Variants in AFF3 observed in about 807,000 individuals in gnomAD.
The protein encoded by AFF3 is ALF transcription elongation factor 3, also known as AF4/FMR2 family member 3.
A neutral mutation model predicts 129.7 loss-of-function variants in AFF3; 32 were observed. That is an observed-to-expected ratio of 0.25 (90% CI 0.19 to 0.33). The LOEUF is 0.33. AFF3 is among the 10% of genes least tolerant of loss of function. The pLI, the probability that AFF3 is intolerant of heterozygous loss-of-function variation, is 1.00. For missense variants in AFF3, 1,373 were observed against 1,592.0 expected, an observed-to-expected ratio of 0.86 and a Z score of 2.34; for synonymous variants, 644 against 635.4, an observed-to-expected ratio of 1.01 and a Z score of -0.20.
intron 13 of AFF3, among the ~76,000 whole-genome samples, chr2:99,628,992 G>T (rs1682871650): frequency 6.6e-6 from 1 of 152,112 alleles, no homozygotes; most frequent in South Asian, 2.1e-4. Flanking sequence ...AAAGTGCTGG[G>T]ACTACAGGTG....
intron 4 of AFF3, among the ~76,000 whole-genome samples, chr2:100,051,160 G>A (rs1287799617): frequency 1.3e-5 from 2 of 152,106 alleles, no homozygotes; most frequent in Admixed American, 1.3e-4. Flanking sequence ...TTTAAATGTG[G>A]TTATCCTGCC....
intron 7 of AFF3, among the ~76,000 whole-genome samples, chr2:99,952,625 A>G (rs190605996): frequency 1.3e-3 from 191 of 152,304 alleles, no homozygotes; most frequent in African/African-American, 4.4e-3. Context: ...ATACATCAAA[A>G]TAGAAATAAC....
At chr2:100,076,827 A>G (rs1359084543) in intron 4 of AFF3, among the ~76,000 whole-genome samples, 2 of 152,202 alleles carry the variant, frequency 1.3e-5, no homozygotes, top group Non-Finnish European at 2.9e-5. Flanking sequence ...CCAGCTCTGT[A>G]ATGCTATCAA....
intron 7 of AFF3, among the ~76,000 whole-genome samples, chr2:99,920,831 C>T (rs558974279): frequency 4.6e-5 from 7 of 151,852 alleles, no homozygotes; most frequent in Non-Finnish European, 8.8e-5. Context: ...ATGAATTTAG[C>T]GATGTTTCAG....
chr2:99,659,316 G>A (rs1686026499), intron 12 of AFF3, among the ~76,000 whole-genome samples: 3 of 152,196 alleles, frequency 2.0e-5, no homozygotes, highest in Admixed American at 2.0e-4. Flanking sequence ...ACATGTGCCT[G>A]TCTAGCTACA....
rs533190712 is a variant in AFF3, at chr2:99,820,057, T to C, written c.921+17420A>G. The stretch of plus-strand genomic sequence containing the variant: ...ATTCAGTAACTAGGTTACACATGAA[T>C]ACACACTCAAGATCAATTTGTAAGG... On this transcript the variant is annotated intron_variant, in intron 8 of 24. Coordinates refer to ENST00000672756, the MANE Select transcript of AFF3 (RefSeq NM_001386135.1). Among the ~76,000 whole-genome samples the C allele has an allele frequency of 5.6e-4, 86 of 152,352 alleles. 1 individual carries two copies. The highest frequency in any genetic ancestry group is 2.0e-3 in the African/African-American group (84 of 41,580).
chr2:99,594,051 T>C lies in AFF3; in HGVS notation c.1610A>G (p.Asn537Ser), dbSNP rs757610502. 1 of 1,611,784 alleles carries C rather than the reference T, an allele frequency of 6.2e-7. No homozygotes were observed. Among genetic ancestry groups the C allele is most frequent in the Admixed American group, 1.7e-5 (1 of 59,920 alleles). Reference sequence around the variant, plus strand: ...CACGCCTTTACTCCCAGGGGCCTTGTTGGCTGTCCTTGGCCTTTGCTCCTC... The same window carrying C: ...CACGCCTTTACTCCCAGGGGCCTTGCTGGCTGTCCTTGGCCTTTGCTCCTC... ...CKEEQRPRTA[N>S]KAPGSKGVKQ... The change falls in exon 15 of 25, where the codon AAC becomes AGC. Residue 537 changes from asparagine (N) to serine (S), a missense_variant. Around this residue, in one of 9 missense-constraint regions of AFF3, gnomAD observed 413 missense variants for 424.4 expected, o/e 0.97. Transcript: ENST00000672756.
chr2:99,880,722 T>C (rs945587914), intron 7 of AFF3, among the ~76,000 whole-genome samples: 5 of 151,820 alleles, frequency 3.3e-5, no homozygotes, highest in Middle Eastern at 3.2e-3. Flanking sequence ...GAAGAAGCAA[T>C]CTGGAATAAT....
At chr2:99,597,743 C>T (rs1258371467) in intron 14 of AFF3, among the ~76,000 whole-genome samples, 1 of 152,248 alleles carries the variant, frequency 6.6e-6, no homozygotes, top group Admixed American at 6.5e-5. Flanking sequence ...CACTGGCATG[C>T]GGCTGGCCAC....
At chr2:99,683,697 T>A (rs949097309) in intron 11 of AFF3, among the ~76,000 whole-genome samples, 4 of 152,140 alleles carry the variant, frequency 2.6e-5, no homozygotes, top group Admixed American at 1.3e-4. Context: ...TGCCTCAGCC[T>A]CCCAAAGTGC....
intron 4 of AFF3, among the ~76,000 whole-genome samples, chr2:100,017,548 A>T (rs1209945054): frequency 6.6e-6 from 1 of 152,180 alleles, no homozygotes; most frequent in African/African-American, 2.4e-5. Context: ...TATGACATTA[A>T]AGGGAGTCAC....
At chr2:99,778,947 T>G (rs1684177226) in intron 8 of AFF3, among the ~76,000 whole-genome samples, 1 of 151,150 alleles carries the variant, frequency 6.6e-6, no homozygotes, top group African/African-American at 2.4e-5. Flanking sequence ...GGTTGGCTCT[T>G]TAGGGTTTTC....
chr2:99,826,294 G>A (rs975108715), intron 8 of AFF3, among the ~76,000 whole-genome samples: 8 of 152,168 alleles, frequency 5.3e-5, no homozygotes, highest in Non-Finnish European at 7.3e-5. Flanking sequence ...GATTACAGGC[G>A]TGAGCCACCC....
chr2:99,775,374 C>T (rs1575944139), intron 8 of AFF3, among the ~76,000 whole-genome samples: 1 of 152,168 alleles, frequency 6.6e-6, no homozygotes, highest in South Asian at 2.1e-4. Flanking sequence ...ACTATGCAGC[C>T]ATACAAAAGA....
chr2:99,556,374 G>A (rs1475441779), intron 22 of AFF3, among the ~76,000 whole-genome samples: 4 of 152,122 alleles, frequency 2.6e-5, no homozygotes, highest in Non-Finnish European at 5.9e-5. Context: ...CCTGGGAGGT[G>A]GAGGTTAGGG....
chr2:100,007,513 G>T (rs1682084394), intron 5 of AFF3, 53 bp from the exon 6 acceptor site: 8 of 1,508,930 alleles, frequency 5.3e-6, no homozygotes, highest in Non-Finnish European at 7.2e-6. Flanking sequence ...AGAAACACCG[G>T]AGATAATCAA....
intron 4 of AFF3, among the ~76,000 whole-genome samples, chr2:100,031,665 A>C (rs1372700954): frequency 6.6e-6 from 1 of 152,258 alleles, no homozygotes; most frequent in African/African-American, 2.4e-5. Context: ...TCACAACAAC[A>C]ATAACACAAT....
intron 4 of AFF3, among the ~76,000 whole-genome samples, chr2:100,025,249 A>G (rs1468909008): frequency 6.6e-6 from 1 of 152,072 alleles, no homozygotes; most frequent in Non-Finnish European, 1.5e-5. Context: ...CCTATACACC[A>G]ACAGCCACCA....
In AFF3 at chr2:99,893,682, C is replaced by T. The variant is rs1036792647; in HGVS notation, c.874-56158G>A. 3.3e-5 allele frequency among the ~76,000 whole-genome samples: 5 copies of T among 152,172 alleles called. 1 individual carries two copies. Among genetic ancestry groups the T allele is most frequent in the Admixed American group, 6.5e-5 (1 of 15,284 alleles). On this transcript the variant is annotated intron_variant, in intron 7 of 24. Coordinates refer to ENST00000672756, the MANE Select transcript of AFF3 (RefSeq NM_001386135.1). ...CTCTACAGTCTATGGCATTTTGTTACGGCAGCCCAATAATGCTCACTGATG... is the reference window on the plus strand; with the variant it reads ...CTCTACAGTCTATGGCATTTTGTTATGGCAGCCCAATAATGCTCACTGATG...
Sources: gnomAD v4.1 joint callset for allele counts (sites outside exome capture counted in the v4.1 genomes callset) on GRCh38, gnomAD v4.1.1 for gene constraint, gnomAD v4.1.1 regional missense constraint, MANE v1.5 for transcripts, NCBI Gene and HGNC (gene_info 2026-07-23, HGNC 2026-07-21) for gene names.